MBD5: variants seen among roughly 807,000 people sequenced by gnomAD.
MBD5 encodes the protein methyl-CpG binding domain protein 5.
A neutral mutation model predicts 117.3 loss-of-function variants in MBD5; 13 were observed. The ratio of observed to expected loss-of-function variants is 0.11; its 90% CI spans 0.07 to 0.18. The LOEUF (loss-of-function observed/expected upper bound fraction) is 0.18. MBD5 is among the 10% of genes least tolerant of loss of function. The pLI, the probability that MBD5 is intolerant of heterozygous loss-of-function variation, is 1.00. For synonymous variants in MBD5, 727 were observed against 766.4 expected (o/e 0.95, Z 0.85); for missense variants, 1,879 against 2,093.8 (o/e 0.90, Z 2.00).
chr2:148,263,393 T>TCCACTGTGTA (rs1700778879), intron 3 of MBD5, among the ~76,000 whole-genome samples: 1 of 152,152 alleles, frequency 6.6e-6, no homozygotes, highest in African/African-American at 2.4e-5. Flanking sequence ...AGGAGAAAAC[T>TCCACTGTGTA]TTTTGTAAGC....
At chr2:148,387,873 T>C (rs560610598) in intron 4 of MBD5, among the ~76,000 whole-genome samples, 97 of 152,256 alleles carry the variant, frequency 6.4e-4, no homozygotes, top group Middle Eastern at 3.4e-3. Flanking sequence ...ATCTAAATAG[T>C]TTATACGAAT....
chr2:148,211,400 T>C (rs1699418602), intron 2 of MBD5, among the ~76,000 whole-genome samples: 3 of 152,202 alleles, frequency 2.0e-5, no homozygotes, highest in Admixed American at 2.0e-4. Context: ...GAATGTAAAC[T>C]TTGGACTCAG....
At position 148,361,054 on chromosome 2, in the gene MBD5, G is replaced by A. The variant is rs565601461; in HGVS notation, c.-557+18718G>A. On this transcript the variant is annotated intron_variant, in intron 4 of 13. Transcript: ENST00000642680. ...ATTGAGAAGAAAAATAAGAAAAAAA[G>A]TGCTGGGTTGGGGCCAGGCGTGGTG... 2.3e-3 allele frequency among the ~76,000 whole-genome samples: 355 copies of A among 152,132 alleles called. 1 individual carries two copies. Among genetic ancestry groups the A allele is most frequent in the Admixed American group, 6.0e-3 (92 of 15,276 alleles).
chr2:148,447,240 A>G (rs537995356), intron 4 of MBD5, among the ~76,000 whole-genome samples: 22 of 115,832 alleles, frequency 1.9e-4, no homozygotes, highest in South Asian at 6.7e-4. Context: ...AGAAAGGGAA[A>G]GGAGGGAGGG....
intron 2 of MBD5, among the ~76,000 whole-genome samples, chr2:148,198,849 G>T (rs1041814888): frequency 6.6e-6 from 1 of 151,994 alleles, no homozygotes; most frequent in Non-Finnish European, 1.5e-5. Context: ...CTTTCCTAGA[G>T]TAGCTTCTAA....
At chr2:148,081,608 G>T (rs1695650283) in intron 1 of MBD5, among the ~76,000 whole-genome samples, 1 of 152,130 alleles carries the variant, frequency 6.6e-6, no homozygotes, top group Non-Finnish European at 1.5e-5. Context: ...CTGTAATAAG[G>T]AATAAGAGTA....
intron 1 of MBD5, among the ~76,000 whole-genome samples, chr2:148,074,886 C>T (rs1024824392): frequency 2.0e-5 from 3 of 152,034 alleles, no homozygotes; most frequent in African/African-American, 7.2e-5. Context: ...CTTCTCTTTC[C>T]TCCAAACTCT....
chr2:148,292,912 A>G (rs1701532919), intron 3 of MBD5, among the ~76,000 whole-genome samples: 2 of 152,134 alleles, frequency 1.3e-5, no homozygotes, highest in Non-Finnish European at 1.5e-5. Context: ...AAGGGATCCA[A>G]TCATTTGCAA....
chr2:148,425,787 A>G (rs1024338830), intron 4 of MBD5, among the ~76,000 whole-genome samples: 3 of 152,236 alleles, frequency 2.0e-5, no homozygotes, highest in East Asian at 3.8e-4. Context: ...GACAAAATCC[A>G]TGTGATTATC....
At chr2:148,131,617 C>T (rs1239050726) in intron 1 of MBD5, among the ~76,000 whole-genome samples, 2 of 152,030 alleles carry the variant, frequency 1.3e-5, no homozygotes, top group African/African-American at 2.4e-5. Context: ...GATGATGAGC[C>T]CAGGAGTTAA....
At chr2:148,262,837 ATTGTT>A in intron 3 of MBD5, among the ~76,000 whole-genome samples, 1 of 152,346 alleles carries the variant, frequency 6.6e-6, no homozygotes, top group East Asian at 1.9e-4. Flanking sequence ...TTTTAGATAG[ATTGTT>A]TTGACTGTAG....
chr2:148,381,707 A>G (rs1052979194), intron 4 of MBD5, among the ~76,000 whole-genome samples: 2 of 152,216 alleles, frequency 1.3e-5, no homozygotes, highest in African/African-American at 2.4e-5. Flanking sequence ...GCAGCCAGAG[A>G]GAAAGGTCGG....
At chr2:148,357,371 A>G (rs926009083) in intron 4 of MBD5, among the ~76,000 whole-genome samples, 1 of 152,024 alleles carries the variant, frequency 6.6e-6, no homozygotes, top group African/African-American at 2.4e-5. Flanking sequence ...TTCCCTCTGA[A>G]TTTGGAAGGT....
intron 1 of MBD5, among the ~76,000 whole-genome samples, chr2:148,156,696 A>C (rs1574077787): frequency 6.6e-6 from 1 of 152,274 alleles, no homozygotes; most frequent in East Asian, 1.9e-4. Context: ...CCTTTCACTT[A>C]GCCAAAGTTA....
At chr2:148,386,848 G>A (rs1395302665) in intron 4 of MBD5, among the ~76,000 whole-genome samples, 3 of 151,534 alleles carry the variant, frequency 2.0e-5, no homozygotes, top group African/African-American at 7.3e-5. Flanking sequence ...TACCTTACCA[G>A]AAGTGACTCA....
chr2:148,472,384 G>A (rs928117195), intron 8 of MBD5: 1 of 152,070 alleles, frequency 6.6e-6, no homozygotes, highest in African/African-American at 2.4e-5. Flanking sequence ...CAGGAAGTAT[G>A]TGCTTAATAA....
intron 2 of MBD5, among the ~76,000 whole-genome samples, chr2:148,188,887 C>T (rs916897741): frequency 1.1e-4 from 16 of 151,690 alleles, no homozygotes; most frequent in Admixed American, 5.9e-4. Context: ...TGGGCGCAGG[C>T]CAGTGTGTGT....
chr2:148,416,809 C>T (rs1705434557), intron 4 of MBD5, among the ~76,000 whole-genome samples: 1 of 151,972 alleles, frequency 6.6e-6, no homozygotes, highest in Admixed American at 6.6e-5. Context: ...TTCTTTATAC[C>T]ACACTGTATG....
At chr2:148,509,011 T>C (rs557807699) in intron 12 of MBD5, among the ~76,000 whole-genome samples, 1 of 152,310 alleles carries the variant, frequency 6.6e-6, no homozygotes, top group African/African-American at 2.4e-5. Flanking sequence ...CAAAACACTA[T>C]GCTAACCAAA....
Sources: allele counts gnomAD v4.1 joint callset (sites outside exome capture counted in the v4.1 genomes callset), GRCh38; gene constraint gnomAD v4.1.1; transcripts MANE v1.5; gene names NCBI Gene and HGNC (gene_info 2026-07-23, HGNC 2026-07-21).